MMP17: variants seen among roughly 807,000 people sequenced by gnomAD.
The protein encoded by MMP17 is matrix metalloproteinase-17.
In MMP17, 54 loss-of-function variants were observed where a neutral mutation model predicts 49.1. The ratio of observed to expected loss-of-function variants is 1.10; its 90% CI spans 0.88 to 1.38. The LOEUF is 1.38. MMP17 is among the 40% of genes most tolerant of loss of function. The pLI is 0.00. For synonymous variants in MMP17, 397 were observed against 383.1 expected, an observed-to-expected ratio of 1.04 and a Z score of -0.42; for missense variants, 837 against 853.7, an observed-to-expected ratio of 0.98 and a Z score of 0.24.
chr12:131,848,812 C>T (rs1033579314), intron 8 of MMP17, among the ~76,000 whole-genome samples: 4 of 152,308 alleles, frequency 2.6e-5, no homozygotes, highest in African/African-American at 4.8e-5. Flanking sequence ...GCACCTCGTT[C>T]GCCTGCTCAC....
At position 131,840,866 on chromosome 12, in the gene MMP17, G is replaced by A. The variant is rs1227257366; in HGVS notation, c.706+10G>A. 6.3e-7 allele frequency: 1 copy of A among 1,582,392 alleles called. No individual in the cohort carries two copies. Among genetic ancestry groups the A allele is most frequent in the Non-Finnish European group, 8.6e-7 (1 of 1,165,390 alleles). ...ACCTTCCGCTCCTCGGGTGCGTCTGGGGCAGCCCTCAGGGCAGAGTCAGGA... is the reference window on the plus strand; with the variant it reads ...ACCTTCCGCTCCTCGGGTGCGTCTGAGGCAGCCCTCAGGGCAGAGTCAGGA... On this transcript the variant is annotated intron_variant, in intron 4 of 9. Coordinates refer to ENST00000360564, the MANE Select transcript of MMP17 (RefSeq NM_016155.7).
At chr12:131,838,385 G>A (rs1311599166) in intron 2 of MMP17, 58 bp downstream of exon 2, 10 of 1,585,914 alleles carry the variant, frequency 6.3e-6, no homozygotes, top group Admixed American at 1.8e-5. Context: ...TGCGCCCGTC[G>A]GCCATGCCCC....
At chr12:131,843,864 C>T (rs1887552512) in intron 5 of MMP17, 133 bp from the exon 6 acceptor site, 7 of 637,730 alleles carry the variant, frequency 1.1e-5, no homozygotes, top group East Asian at 8.7e-5. Flanking sequence ...TCTCGCTGAT[C>T]GCAGCTGCGC....
Position 131,838,340 on chromosome 12 carries a change from G to T in MMP17, c.292+13G>T. On this transcript the variant is annotated intron_variant, in intron 2 of 9. Coordinates refer to ENST00000360564, the MANE Select transcript of MMP17 (RefSeq NM_016155.7). Reference sequence around the variant, plus strand: ...ACCGGCATCCTGGGTCAGTTCTCCAGGGGGCAGCGGGAGCGCCGTGGCCCC... The same window carrying T: ...ACCGGCATCCTGGGTCAGTTCTCCATGGGGCAGCGGGAGCGCCGTGGCCCC... 6.2e-7 allele frequency: 1 copy of T among 1,610,520 alleles called. No homozygotes were observed. The highest frequency in any genetic ancestry group is 1.3e-5 in the African/African-American group (1 of 74,750).
rs1887985984 is a variant in MMP17 at position 131,851,765 on chromosome 12, C to T, written c.*491C>T. 6.5e-6 allele frequency: 1 copy of T among 154,686 alleles called. No individual in the cohort carries two copies. Among genetic ancestry groups the T allele is most frequent in the African/African-American group, 2.4e-5 (1 of 41,546 alleles). 9.6% of individuals were successfully genotyped at this position (154,686 alleles called of 1,614,324 possible). ...CGTTCCAGACCAACATGACCTCTCC[C>T]TGCTTTCTAGCGGCTCGGCTGGGCT... On this transcript the variant is annotated 3_prime_UTR_variant, in exon 10 of 10. Coordinates refer to ENST00000360564, the MANE Select transcript of MMP17 (RefSeq NM_016155.7).
chr12:131,830,948 C>A (rs958779457), intron 1 of MMP17, among the ~76,000 whole-genome samples: 2 of 152,228 alleles, frequency 1.3e-5, no homozygotes, highest in Non-Finnish European at 2.9e-5. Flanking sequence ...GTACGACATA[C>A]AGCGAGCAGC....
At position 131,841,731 on chromosome 12, in the gene MMP17, G is replaced by A. The variant is rs1312417119; in HGVS notation, c.814G>A (p.Gly272Ser). 3 of 1,613,606 alleles carry A rather than the reference G, an allele frequency of 1.9e-6. No homozygotes were observed. Among genetic ancestry groups the A allele is most frequent in the Non-Finnish European group, 2.5e-6 (3 of 1,179,926 alleles). ...AHSIMRPYYQ[G>S]PVGDPLRYGL... ...CTCCATCATGCGGCCGTACTACCAGGGCCCGGTGGGTGACCCGCTGCGCTA... is the reference window on the plus strand; with the variant it reads ...CTCCATCATGCGGCCGTACTACCAGAGCCCGGTGGGTGACCCGCTGCGCTA... The change falls in exon 5 of 10, where the codon GGC becomes AGC. Residue 272 changes from glycine (G) to serine (S), a missense_variant. Coordinates refer to ENST00000360564, the MANE Select transcript of MMP17 (RefSeq NM_016155.7).
At position 131,838,283 on chromosome 12, in the gene MMP17, C is replaced by A; in HGVS notation, c.248C>A (p.Thr83Lys). ...CAAGAGGAGCTGTCTAAGGCCATCA[C>A]AGCCATGCAGCAGTTTGGTGGCCTG... is the stretch of plus-strand genomic sequence containing the variant. ...QTQEELSKAI[T>K]AMQQFGGLEA... is the part of the protein sequence containing the mutation. The change falls in exon 2 of 10, where the codon ACA (threonine) becomes AAA (lysine). Residue 83 changes from threonine to lysine, a missense_variant. By Grantham distance (78) the Thr-to-Lys change is moderately conservative. Transcript: ENST00000360564. The A allele has an allele frequency of 6.2e-7, 1 of 1,613,306 alleles. No individual in the cohort carries two copies. Among genetic ancestry groups the A allele is most frequent in the East Asian group, 2.2e-5 (1 of 44,866 alleles).
chr12:131,830,376 C>T (rs1046785474), intron 1 of MMP17, among the ~76,000 whole-genome samples: 10 of 152,212 alleles, frequency 6.6e-5, no homozygotes, highest in African/African-American at 2.4e-4. Context: ...GTGAGTGGGG[C>T]CCCGGTGTCC....
chr12:131,835,317 C>A (rs1327110235), intron 1 of MMP17, among the ~76,000 whole-genome samples: 2 of 152,266 alleles, frequency 1.3e-5, no homozygotes, highest in Non-Finnish European at 2.9e-5. Context: ...CTGTCCCGGG[C>A]TGGTGCTGGG....
At chr12:131,842,897 G>A (rs1174554596) in intron 5 of MMP17, among the ~76,000 whole-genome samples, 2 of 152,022 alleles carry the variant, frequency 1.3e-5, no homozygotes, top group Non-Finnish European at 2.9e-5. Context: ...CACTACCACC[G>A]AAGGAGACCC....
chr12:131,847,399 C>G lies in MMP17; in HGVS notation c.1204+1950C>G, dbSNP rs186228589. Among the ~76,000 whole-genome samples the G allele has an allele frequency of 3.8e-3, 550 of 143,516 alleles. 2 individuals are homozygous for G. The highest frequency in any genetic ancestry group is 0.014 in the African/African-American group (514 of 37,976). The allele number at this position is 143,516 out of a possible 152,430, so 94.2% of individuals were successfully genotyped here. A position where few individuals can be genotyped will look rare whatever the true frequency, so the allele number is the denominator to read the frequency against. ...CTGGACTCCAGCCTGGGTGACAGAG[C>G]GAGACTCCGTCTCAAAAAAAAAAAA... On this transcript the variant is annotated intron_variant, in intron 8 of 9. Transcript: ENST00000360564.
chr12:131,831,261 C>T (rs2136305489), intron 1 of MMP17, among the ~76,000 whole-genome samples: 1 of 152,316 alleles, frequency 6.6e-6, no homozygotes, highest in South Asian at 2.1e-4. Flanking sequence ...AGTTTCTGCT[C>T]CATTTCTCCT....
At chr12:131,840,298 G>C (rs533021491) in intron 3 of MMP17, 9 of 431,464 alleles carry the variant, frequency 2.1e-5, no homozygotes, top group African/African-American at 1.6e-4. Context: ...GAGGGCCCTG[G>C]GGCTGATGGC....
chr12:131,847,512 T>A (rs1365415506), intron 8 of MMP17, among the ~76,000 whole-genome samples: 1 of 151,974 alleles, frequency 6.6e-6, no homozygotes, highest in African/African-American at 2.4e-5. Context: ...TAACCTCCCC[T>A]AGGCCACCTT....
intron 1 of MMP17, among the ~76,000 whole-genome samples, chr12:131,835,592 A>T (rs1249743317): frequency 6.6e-6 from 1 of 152,144 alleles, no homozygotes; most frequent in Non-Finnish European, 1.5e-5. Flanking sequence ...CAGCTTATAG[A>T]CGGGAAGGCT....
intron 3 of MMP17, 106 bp from the exon 4 acceptor site, chr12:131,840,467 C>T: frequency 8.0e-7 from 1 of 1,247,134 alleles, no homozygotes; most frequent in East Asian, 2.3e-5. Context: ...ATGGGGGAGA[C>T]CCTCATAGGG....
intron 1 of MMP17, among the ~76,000 whole-genome samples, chr12:131,829,654 C>A (rs962330766): frequency 1.3e-5 from 2 of 152,228 alleles, no homozygotes; most frequent in South Asian, 2.1e-4. Flanking sequence ...GGGCCCCTCG[C>A]CCAGCGCAGT....
intron 9 of MMP17, among the ~76,000 whole-genome samples, chr12:131,850,547 C>A (rs1459727485): frequency 1.3e-5 from 2 of 152,236 alleles, no homozygotes; most frequent in East Asian, 3.9e-4. Context: ...AACAGCCCTG[C>A]ACAGAGTGGG....
Sources: allele counts gnomAD v4.1 joint callset (sites outside exome capture counted in the v4.1 genomes callset), GRCh38; gene constraint gnomAD v4.1.1; transcripts MANE v1.5; gene names NCBI Gene and HGNC (gene_info 2026-07-23, HGNC 2026-07-21).